The following CCDC7 variants were observed in gnomAD, a reference collection of about 807,000 sequenced individuals.
CCDC7 encodes coiled-coil domain-containing protein 7.
Under a neutral mutation model 196.9 loss-of-function variants are expected in CCDC7, and 183 were observed. That is an observed-to-expected ratio of 0.93 (90% CI 0.82 to 1.05). CCDC7 has a LOEUF of 1.05. CCDC7 is among the 50% of genes least tolerant of loss of function. The pLI is 0.00. For missense variants in CCDC7, 1,540 were observed against 1,482.2 expected (o/e 1.04, Z -0.64); for synonymous variants, 525 against 484.6 (o/e 1.08, Z -1.10).
chr10:32,650,799 G>A (rs909149548), intron 20 of CCDC7, among the ~76,000 whole-genome samples: 2 of 152,214 alleles, frequency 1.3e-5, no homozygotes, highest in African/African-American at 4.8e-5. Context: ...TCTGGGTGCA[G>A]TGTGGGATCT....
intron 18 of CCDC7, among the ~76,000 whole-genome samples, chr10:32,608,696 A>G (rs2061785532): frequency 6.6e-6 from 1 of 152,108 alleles, no homozygotes. Flanking sequence ...CTGCGCCACC[A>G]TGCCCAGCTA....
At chr10:32,477,352 G>A (rs537763054) in intron 8 of CCDC7, among the ~76,000 whole-genome samples, 8 of 152,046 alleles carry the variant, frequency 5.3e-5, no homozygotes, top group Middle Eastern at 6.8e-3. Context: ...ACAGGCGTGC[G>A]CCACCACGCC....
At chr10:32,475,512 A>C (rs2038809560) in intron 8 of CCDC7, among the ~76,000 whole-genome samples, 1 of 152,236 alleles carries the variant, frequency 6.6e-6, no homozygotes, top group Non-Finnish European at 1.5e-5. Flanking sequence ...ACCACATTTC[A>C]AAAGGATAAA....
intron 18 of CCDC7, among the ~76,000 whole-genome samples, chr10:32,616,711 TG>T (rs2062813984): frequency 6.6e-6 from 1 of 151,818 alleles, no homozygotes; most frequent in Non-Finnish European, 1.5e-5. Context: ...TAAATAAGAG[TG>T]GTAAAAATGG....
At chr10:32,481,785 A>G (rs1283457849) in intron 8 of CCDC7, 1 of 151,298 alleles carries the variant, frequency 6.6e-6, no homozygotes, top group East Asian at 1.9e-4. Context: ...TTTTCTGGGT[A>G]AGGTATTCTT....
At chr10:32,683,530 G>T (rs2076097997) in intron 21 of CCDC7, among the ~76,000 whole-genome samples, 1 of 152,070 alleles carries the variant, frequency 6.6e-6, no homozygotes, top group Non-Finnish European at 1.5e-5. Context: ...TCTGTAGTTT[G>T]ATAGGAATAG....
chr10:32,482,577 C>T (rs1433560835), intron 8 of CCDC7, among the ~76,000 whole-genome samples: 1 of 151,928 alleles, frequency 6.6e-6, no homozygotes, highest in Non-Finnish European at 1.5e-5. Flanking sequence ...ATACATGTGC[C>T]ATGTTGGTGT....
At chr10:32,643,858 ATTTTGAAAATTAATTTTCAAAATT>A (rs2067275174) in intron 20 of CCDC7, among the ~76,000 whole-genome samples, 2 of 133,756 alleles carry the variant, frequency 1.5e-5, no homozygotes, top group African/African-American at 7.9e-5. Context: ...TTTCAAAATT[ATTTTGAAAATTAATTTTCAAAATT>A]ATTTTGAAAA....
At chr10:32,845,702 A>C in intron 35 of CCDC7, 76 bp downstream of exon 36, 1 of 1,354,168 alleles carries the variant, frequency 7.4e-7, no homozygotes, top group Non-Finnish European at 1.0e-6. Flanking sequence ...GTGGACATTT[A>C]ATGGCAATAG....
chr10:32,705,041 G>C (rs2079468296), intron 24 of CCDC7, among the ~76,000 whole-genome samples: 1 of 152,078 alleles, frequency 6.6e-6, no homozygotes, highest in Admixed American at 6.5e-5. Context: ...GTCCGACAAT[G>C]CCCAGTGAGA....
At chr10:32,875,190 C>T (rs753859767) in intron 41 of CCDC7, among the ~76,000 whole-genome samples, 4 of 151,818 alleles carry the variant, frequency 2.6e-5, no homozygotes, top group African/African-American at 4.8e-5. Flanking sequence ...TTGGCATCTT[C>T]GTCATGAAAT....
chr10:32,553,997 G>A (rs2053939557), intron 13 of CCDC7, among the ~76,000 whole-genome samples: 1 of 152,164 alleles, frequency 6.6e-6, no homozygotes, highest in Admixed American at 6.5e-5. Context: ...TCTTGCTGTG[G>A]CTGCTGTGGG....
intron 16 of CCDC7, 103 bp from the exon 18 acceptor site, chr10:32,582,931 T>C (rs1228737754): frequency 1.5e-6 from 1 of 669,334 alleles, no homozygotes; most frequent in African/African-American, 1.9e-5. Context: ...TGAGTAATTA[T>C]ACTTACTTAT....
intron 9 of CCDC7, among the ~76,000 whole-genome samples, chr10:32,501,491 C>T (rs11597300): frequency 0.13 from 20,323 of 152,058 alleles, 1,592 homozygotes; most frequent in African/African-American, 0.22. Flanking sequence ...AGCCTTTTTG[C>T]GCTGGTTTCT....
At chr10:32,740,694 A>T (rs1434801227) in intron 28 of CCDC7, among the ~76,000 whole-genome samples, 1 of 152,198 alleles carries the variant, frequency 6.6e-6, no homozygotes, top group African/African-American at 2.4e-5. Context: ...CATAATTTTA[A>T]TATGTACTGA....
chr10:32,798,625 T>C (rs547878380), intron 29 of CCDC7, among the ~76,000 whole-genome samples: 1 of 152,226 alleles, frequency 6.6e-6, no homozygotes, highest in Non-Finnish European at 1.5e-5. Context: ...TCACTCATGC[T>C]TCTTCCAAGA....
At chr10:32,670,065 C>T (rs1329075038) in intron 21 of CCDC7, among the ~76,000 whole-genome samples, 3 of 152,130 alleles carry the variant, frequency 2.0e-5, no homozygotes, top group Non-Finnish European at 4.4e-5. Context: ...ATACTTATTT[C>T]TGGGGTCGGG....
At chr10:32,575,588 G>A (rs1436807001) in intron 16 of CCDC7, among the ~76,000 whole-genome samples, 4 of 152,226 alleles carry the variant, frequency 2.6e-5, no homozygotes, top group African/African-American at 9.7e-5. Flanking sequence ...AGTCAACCAT[G>A]TATCACTGAG....
chr10:32,548,615 A>G (rs865932477), intron 13 of CCDC7, among the ~76,000 whole-genome samples: 69 of 152,198 alleles, frequency 4.5e-4, no homozygotes, highest in African/African-American at 1.3e-3. Context: ...TACAGGCTAA[A>G]ACCTTTGAAG....
Sources: gnomAD v4.1 joint callset for allele counts (sites outside exome capture counted in the v4.1 genomes callset) on GRCh38, gnomAD v4.1.1 for gene constraint, MANE v1.5 for transcripts, NCBI Gene and HGNC (gene_info 2026-07-23, HGNC 2026-07-21) for gene names.